DACT3: variants seen among roughly 807,000 people sequenced by gnomAD.
DACT3 encodes the protein dishevelled binding antagonist of beta catenin 3.
A neutral mutation model predicts 19.6 loss-of-function variants in DACT3; 5 were observed. The observed-to-expected ratio is 0.26, with a 90% confidence interval of 0.13 to 0.54. DACT3 has a LOEUF of 0.54. Among genes scored for constraint, DACT3 ranks in the 20% least tolerant of loss-of-function variants. The pLI, the probability that DACT3 is intolerant of heterozygous loss-of-function variation, is 0.95. For synonymous variants in DACT3, 454 were observed against 428.1 expected (o/e 1.06, Z -0.75); for missense variants, 908 against 927.4 (o/e 0.98, Z 0.27).
Position 46,660,977 on chromosome 19 carries a change from A to T in DACT3, c.88T>A (p.Leu30Ile). ...LEGSLAGLCE[L>I]HWLRERQEYR... The stretch of plus-strand genomic sequence containing the variant: ...TCCTGCCTCTCCCGGAGCCAATGTA[A>T]CTCGCAGAGCCCGGCCAGGCTACCC... Residue 30 changes from leucine to isoleucine, a missense_variant, in exon 1 of 4, where the codon TTA (leucine) becomes ATA (isoleucine). Leu to Ile is a conservative substitution (Grantham distance 5, BLOSUM62 2). Transcript: ENST00000391916. This position sits in a 1 kb window ranked among gnomAD's most constrained non-coding sequence, Gnocchi z 4.9. The T allele has an allele frequency of 6.5e-7, 1 of 1,538,678 alleles. No individual in the cohort carries two copies. Among genetic ancestry groups the T allele is most frequent in the Non-Finnish European group, 8.7e-7 (1 of 1,145,376 alleles).
intron 3 of DACT3, 93 bp downstream of exon 3, chr19:46,652,567 T>C (rs1197884099): frequency 1.5e-6 from 2 of 1,332,954 alleles, no homozygotes; most frequent in Admixed American, 4.9e-5. Flanking sequence ...ACAGCTGGAA[T>C]TGGAATCCAG....
At chr19:46,659,476 C>G (rs1367242380) in intron 1 of DACT3, 2 of 982,636 alleles carry the variant, frequency 2.0e-6, no homozygotes, top group African/African-American at 3.6e-5. Context: ...CCAAGCCGAG[C>G]CAGCTTGGGG....
chr19:46,659,569 GA>G (rs1469550522), intron 1 of DACT3: 1 of 427,878 alleles, frequency 2.3e-6, no homozygotes, highest in Non-Finnish European at 3.1e-6. Context: ...TCTGTTTCCA[GA>G]AAAGAATGTG....
At position 46,649,790 on chromosome 19, in the gene DACT3, T is replaced by C; in HGVS notation, c.582A>G (p.Ala194=). Residue 194 remains alanine, a synonymous_variant, in exon 4 of 4, where the codon GCA becomes GCG. Coordinates refer to ENST00000391916, the MANE Select transcript of DACT3 (RefSeq NM_145056.3). ...PRSFSAPYPT[A]GGSAGPEACS... ...AGGCCTCCGGGCCGGCGGACCCCCCTGCCGTCGGGTAGGGCGCTGAGAAGG... is the reference window on the plus strand; with the variant it reads ...AGGCCTCCGGGCCGGCGGACCCCCCCGCCGTCGGGTAGGGCGCTGAGAAGG... The C allele has an allele frequency of 7.4e-7, 1 of 1,353,130 alleles. No individual in the cohort carries two copies. The highest frequency in any genetic ancestry group is 9.5e-7 in the Non-Finnish European group (1 of 1,057,140). 83.8% of individuals were successfully genotyped at this position (1,353,130 alleles called of 1,614,324 possible). A position where few individuals can be genotyped will look rare whatever the true frequency, so the allele number is the denominator to read the frequency against.
In DACT3 at chr19:46,649,225, T is replaced by C; in HGVS notation, c.1147A>G (p.Thr383Ala). The change falls in exon 4 of 4, where the codon ACC becomes GCC. Residue 383 changes from threonine to alanine, a missense_variant. By Grantham distance (58) the Thr-to-Ala change is moderately conservative (BLOSUM62 0). Transcript: ENST00000391916. ...RAARRKPPPL[T>A]RGRSVEQSPP... ...GACTGCTCCACGCTGCGGCCGCGGG[T>C]CAGTGGCGGCGGTTTGCGGCGGGCG... 8.3e-7 allele frequency: 1 copy of C among 1,200,964 alleles called. No individual in the cohort carries two copies. The highest frequency in any genetic ancestry group is 1.0e-6 in the Non-Finnish European group (1 of 971,014). The allele number at this position is 1,200,964 out of a possible 1,614,324, so 74.4% of individuals were successfully genotyped here.
rs909986708 is a variant in DACT3 at position 46,653,078 on chromosome 19, G to C, written c.250-3C>G. 5 of 1,551,088 alleles carry C rather than the reference G, an allele frequency of 3.2e-6. No individual in the cohort carries two copies. The highest frequency in any genetic ancestry group is 4.4e-6 in the Non-Finnish European group (5 of 1,146,988). On this transcript the variant is annotated splice_region_variant and splice_polypyrimidine_tract_variant and intron_variant, in intron 1 of 3. Transcript: ENST00000391916. ...CAGACGAGACCAGGCAGGGCCTCCT[G>C]AAGGCATAGGGAGAGAAGGATGGTC... is the stretch of plus-strand genomic sequence containing the variant.
At chr19:46,653,622 C>T (rs1231080241) in intron 1 of DACT3, among the ~76,000 whole-genome samples, 20 of 151,566 alleles carry the variant, frequency 1.3e-4, no homozygotes, top group Admixed American at 1.3e-3. Flanking sequence ...GGCGTGATCC[C>T]AGCTCACTGC....
intron 3 of DACT3, chr19:46,652,375 G>C: frequency 2.2e-6 from 1 of 450,770 alleles, no homozygotes; most frequent in Middle Eastern, 5.8e-4. Context: ...TGTATAGACG[G>C]GGTTTCACTA....
chr19:46,656,585 A>T (rs974963204), intron 1 of DACT3, among the ~76,000 whole-genome samples: 1 of 152,132 alleles, frequency 6.6e-6, no homozygotes, highest in African/African-American at 2.4e-5. Context: ...CCTGGGCTTG[A>T]GCAGTCCTCC....
chr19:46,654,984 G>A, intron 1 of DACT3: 5 of 985,362 alleles, frequency 5.1e-6, no homozygotes, highest in Non-Finnish European at 6.0e-6. Flanking sequence ...TCATCTTTGA[G>A]CGGAACTCAA....
chr19:46,648,353 G>A lies in DACT3; in HGVS notation c.*129C>T. ...TTTTCAACCAAGACTGTTAGGAGTG[G>A]GGAGAGTGAGGGGGGTCTTTGGAAG... On this transcript the variant is annotated 3_prime_UTR_variant, in exon 4 of 4. Coordinates refer to ENST00000391916, the MANE Select transcript of DACT3 (RefSeq NM_145056.3). The surrounding 1 kb of genome is among the most constrained non-coding windows in gnomAD (Gnocchi z 5.1). 1 of 1,490,432 alleles carries A rather than the reference G, an allele frequency of 6.7e-7. No homozygotes were observed. The highest frequency in any genetic ancestry group is 9.1e-7 in the Non-Finnish European group (1 of 1,094,578). The allele number at this position is 1,490,432 out of a possible 1,614,324, so 92.3% of individuals were successfully genotyped here. A position where few individuals can be genotyped will look rare whatever the true frequency, so the allele number is the denominator to read the frequency against.
Position 46,648,332 on chromosome 19 carries a change from C to T in DACT3, c.*150G>A. ...CTCGGTGGTGGTGGGGGAGCCTTTT[C>T]AACCAAGACTGTTAGGAGTGGGGAG... On this transcript the variant is annotated 3_prime_UTR_variant, in exon 4 of 4. Coordinates refer to ENST00000391916, the MANE Select transcript of DACT3 (RefSeq NM_145056.3). The surrounding 1 kb of genome is among the most constrained non-coding windows in gnomAD (Gnocchi z 5.1). 1 of 1,373,434 alleles carries T rather than the reference C, an allele frequency of 7.3e-7. No homozygotes were observed. Among genetic ancestry groups the T allele is most frequent in the Non-Finnish European group, 9.9e-7 (1 of 1,008,042 alleles). 85.1% of individuals were successfully genotyped at this position (1,373,434 alleles called of 1,614,324 possible).
intron 1 of DACT3, chr19:46,654,567 A>G (rs185544019): frequency 3.0e-6 from 3 of 985,228 alleles, no homozygotes; most frequent in Non-Finnish European, 3.6e-6. Context: ...AGCACTTCTC[A>G]CGGATGGGGT....
chr19:46,655,925 C>CTCTCTCTCTCTCTCTCTATATA (rs980735397), intron 1 of DACT3, among the ~76,000 whole-genome samples: 3 of 137,938 alleles, frequency 2.2e-5, no homozygotes, highest in African/African-American at 5.3e-5. Flanking sequence ...CTCTCTCTCT[C>CTCTCTCTCTCTCTCTCTATATA]TATATATATA....
intron 1 of DACT3, among the ~76,000 whole-genome samples, chr19:46,658,332 G>A (rs988060179): frequency 5.3e-5 from 8 of 152,184 alleles, no homozygotes; most frequent in African/African-American, 1.7e-4. Context: ...GTTAGAGGCT[G>A]CAGTGAGCTA....
At chr19:46,654,100 C>A (rs1392473090) in intron 1 of DACT3, 1 of 985,278 alleles carries the variant, frequency 1.0e-6, no homozygotes, top group Non-Finnish European at 1.2e-6. Context: ...CAGCACGTTC[C>A]TTTGCCCTAG....
At position 46,653,048 on chromosome 19, in the gene DACT3, G is replaced by C. The variant is rs1240133607; in HGVS notation, c.277C>G (p.Leu93Val). 7 of 1,551,512 alleles carry C rather than the reference G, an allele frequency of 4.5e-6. No homozygotes were observed. Among genetic ancestry groups the C allele is most frequent in the South Asian group, 2.4e-5 (2 of 84,058 alleles). The change falls in exon 2 of 4, where the codon CTG (leucine) becomes GTG (valine). Residue 93 changes from leucine to valine, a missense_variant. Coordinates refer to ENST00000391916, the MANE Select transcript of DACT3 (RefSeq NM_145056.3). ...LEALPGLVWD[L>V]GQQLGDLSLE... is the part of the protein sequence containing the mutation. ...CTCAGGTCTCCCAGCTGCTGTCCCA[G>C]GTCCCAGACGAGACCAGGCAGGGCC...
In DACT3 at chr19:46,649,311, A is replaced by C; in HGVS notation, c.1061T>G (p.Leu354Trp). The C allele has an allele frequency of 8.1e-7, 1 of 1,232,738 alleles. No individual in the cohort carries two copies. The allele number at this position is 1,232,738 out of a possible 1,614,324, so 76.4% of individuals were successfully genotyped here. ...SPPDSPAEGR[L>W]VKAQYIPGAQ... is the part of the protein sequence containing the mutation. ...GCCCGGGATGTACTGCGCCTTCACC[A>C]AGCGGCCCTCAGCCGGGCTGTCGGG... The change falls in exon 4 of 4, where the codon TTG (leucine) becomes TGG (tryptophan). Residue 354 changes from leucine to tryptophan, a missense_variant. By Grantham distance (61) the Leu-to-Trp change is moderately conservative (BLOSUM62 -2). Coordinates refer to ENST00000391916, the MANE Select transcript of DACT3 (RefSeq NM_145056.3).
chr19:46,649,826 C>T lies in DACT3; in HGVS notation c.546G>A (p.Ala182=). 2.1e-6 allele frequency: 3 copies of T among 1,425,378 alleles called. No homozygotes were observed. The highest frequency in any genetic ancestry group is 6.1e-5 in the East Asian group (2 of 32,818). 88.3% of individuals were successfully genotyped at this position (1,425,378 alleles called of 1,614,324 possible). The change falls in exon 4 of 4, where the codon GCG becomes GCA. Residue 182 remains alanine, a synonymous_variant. Coordinates refer to ENST00000391916, the MANE Select transcript of DACT3 (RefSeq NM_145056.3). ...AGGGCGCTGAGAAGGACCGCGGCAC[C>T]GCTGCCCGCGCGCCCACCACCTCCG... ...SAPEVVGARA[A]VPRSFSAPYP...
Sources: gnomAD v4.1 joint callset for allele counts (sites outside exome capture counted in the v4.1 genomes callset) on GRCh38, gnomAD v4.1.1 for gene constraint, Gnocchi (gnomAD v3.1) non-coding constraint, MANE v1.5 for transcripts, NCBI Gene and HGNC (gene_info 2026-07-23, HGNC 2026-07-21) for gene names.